TPTE2: variants seen among roughly 807,000 people sequenced by gnomAD.
TPTE2 encodes the protein phosphatidylinositol 3,4,5-trisphosphate 3-phosphatase TPTE2.
In TPTE2, 53 loss-of-function variants were observed where a neutral mutation model predicts 78.6. The ratio of observed to expected loss-of-function variants is 0.67; its 90% CI spans 0.54 to 0.85. The LOEUF is 0.85. Among genes scored for constraint, TPTE2 ranks in the 40% least tolerant of loss-of-function variants. The probability of loss-of-function intolerance (pLI) is 0.00; values close to 1 mark genes in which losing one functional copy is unlikely to be tolerated. For synonymous variants in TPTE2, 175 were observed against 206.2 expected (o/e 0.85, Z 1.30); for missense variants, 461 against 623.0 (o/e 0.74, Z 2.77).
intron 15 of TPTE2, among the ~76,000 whole-genome samples, chr13:19,435,581 A>G (rs1175038182): frequency 1.3e-5 from 2 of 152,184 alleles, no homozygotes; most frequent in Non-Finnish European, 2.9e-5. Context: ...CCATAACAAA[A>G]TGCTTCTAAA....
chr13:19,499,655 TA>T, intron 1 of TPTE2, among the ~76,000 whole-genome samples: 1 of 137,334 alleles, frequency 7.3e-6, no homozygotes, highest in Non-Finnish European at 1.5e-5. Context: ...AAGCAGTGTG[TA>T]GAGGGAAATT....
chr13:19,425,686 C>T (rs1292242340), intron 18 of TPTE2: 1 of 511,780 alleles, frequency 2.0e-6, no homozygotes, highest in Non-Finnish European at 3.9e-6. Flanking sequence ...CCTCAGGAAA[C>T]CTGCTCAGGT....
the TPTE2 span, chr13:19,561,115 T>A: frequency 1.2e-6 from 2 of 1,604,332 alleles, no homozygotes; most frequent in East Asian, 2.2e-5. Context: ...CCTTGTGGCC[T>A]GGGAGGCAGT....
At chr13:19,451,488 A>G (rs566814817) in intron 10 of TPTE2, among the ~76,000 whole-genome samples, 1 of 152,314 alleles carries the variant, frequency 6.6e-6, no homozygotes, top group East Asian at 1.9e-4. Flanking sequence ...TAAGTAAATT[A>G]GCTGGTTAAC....
intron 13 of TPTE2, among the ~76,000 whole-genome samples, chr13:19,439,677 A>C (rs1877362077): frequency 6.6e-6 from 1 of 152,160 alleles, no homozygotes; most frequent in African/African-American, 2.4e-5. Context: ...AAGCTCAATG[A>C]GATTCAAGGT....
intron 3 of TPTE2, among the ~76,000 whole-genome samples, chr13:19,487,430 T>C (rs944979444): frequency 6.6e-6 from 1 of 152,052 alleles, no homozygotes. Flanking sequence ...GTCCTGAGCA[T>C]GGGCTCATAG....
chr13:19,503,664 T>C (rs550791105), upstream of TPTE2, among the ~76,000 whole-genome samples: 26 of 152,328 alleles, frequency 1.7e-4, no homozygotes, highest in African/African-American at 6.0e-4. Context: ...TTGTCTCTCT[T>C]GGTCCACAAG....
At chr13:19,533,177 T>C (rs369578518) in intron 1 of TPTE2, among the ~76,000 whole-genome samples, 3 of 152,224 alleles carry the variant, frequency 2.0e-5, no homozygotes, top group South Asian at 4.1e-4. Flanking sequence ...AAAGATATTA[T>C]AGCATACAAC....
upstream of TPTE2, among the ~76,000 whole-genome samples, chr13:19,538,836 CTT>C (rs899508172): frequency 5.3e-5 from 8 of 152,156 alleles, no homozygotes; most frequent in African/African-American, 1.9e-4. Flanking sequence ...CATTTTAAAT[CTT>C]GTTTGTCATT....
At chr13:19,431,215 T>G (rs1876576424) in intron 16 of TPTE2, among the ~76,000 whole-genome samples, 1 of 152,126 alleles carries the variant, frequency 6.6e-6, no homozygotes, top group African/African-American at 2.4e-5. Flanking sequence ...TTCTTCAGAC[T>G]TCTAATCATA....
At chr13:19,510,295 C>T (rs1162046954) in intron 1 of TPTE2, among the ~76,000 whole-genome samples, 1 of 152,078 alleles carries the variant, frequency 6.6e-6, no homozygotes, top group Non-Finnish European at 1.5e-5. Context: ...GTTTATTTGG[C>T]TCACAGTTGT....
chr13:19,514,592 A>AGT (rs151110694), intron 1 of TPTE2, among the ~76,000 whole-genome samples: 1,362 of 126,808 alleles, frequency 0.011, 26 homozygotes, highest in African/African-American at 0.023. Flanking sequence ...TACTTCTGAG[A>AGT]GTGTGTGTGT....
At chr13:19,494,766 G>A (rs895225542) in intron 1 of TPTE2, among the ~76,000 whole-genome samples, 11 of 152,230 alleles carry the variant, frequency 7.2e-5, no homozygotes, top group Middle Eastern at 3.4e-3. Flanking sequence ...GATGACTCCC[G>A]CCAGGGCATT....
chr13:19,459,276 T>C (rs1030355826), intron 10 of TPTE2, among the ~76,000 whole-genome samples: 1 of 152,182 alleles, frequency 6.6e-6, no homozygotes, highest in African/African-American at 2.4e-5. Context: ...TGTTTTTTTC[T>C]TGTAAATTTA....
At chr13:19,470,095 C>T (rs1879511164) in intron 6 of TPTE2, among the ~76,000 whole-genome samples, 2 of 152,158 alleles carry the variant, frequency 1.3e-5, no homozygotes, top group African/African-American at 4.8e-5. Context: ...TGGGCATCCT[C>T]ATTGTGTTCT....
At chr13:19,551,307 A>G in the TPTE2 span, among the ~76,000 whole-genome samples, 93,096 of 152,068 alleles carry the variant, frequency 0.61, 32,611 homozygotes, top group East Asian at 0.88. Flanking sequence ...ATGAATATAC[A>G]GGCCGGGTAT....
chr13:19,501,290 G>A (rs1868529657), intron 1 of TPTE2, among the ~76,000 whole-genome samples: 1 of 89,344 alleles, frequency 1.1e-5, no homozygotes, highest in Non-Finnish European at 2.3e-5. Flanking sequence ...TCACAGAATT[G>A]GAAAAAACTA....
At chr13:19,517,152 T>C (rs1869844928) in intron 1 of TPTE2, among the ~76,000 whole-genome samples, 1 of 152,204 alleles carries the variant, frequency 6.6e-6, no homozygotes, top group Non-Finnish European at 1.5e-5. Context: ...CCACTGCCAG[T>C]CAGAAGAGCC....
At chr13:19,476,248 T>C (rs1163183606) in intron 4 of TPTE2, among the ~76,000 whole-genome samples, 1 of 151,962 alleles carries the variant, frequency 6.6e-6, no homozygotes, top group Admixed American at 6.6e-5. Context: ...ACCTGTTTGA[T>C]AGAGCCTCCA....
Sources: allele counts gnomAD v4.1 joint callset (sites outside exome capture counted in the v4.1 genomes callset), GRCh38; gene constraint gnomAD v4.1.1; transcripts MANE v1.5; gene names NCBI Gene and HGNC (gene_info 2026-07-23, HGNC 2026-07-21).